The following THSD7B variants were observed in gnomAD, a reference collection of about 807,000 sequenced individuals.
THSD7B encodes the protein thrombospondin type 1 domain containing 7B.
In THSD7B, 138 loss-of-function variants were observed where a neutral mutation model predicts 213.6. The ratio of observed to expected loss-of-function variants is 0.65; its 90% CI spans 0.56 to 0.74. The LOEUF (loss-of-function observed/expected upper bound fraction) is 0.74, where lower values mean the gene tolerates loss of function less well. Ranked by LOEUF, THSD7B falls within the 30% of genes least tolerant of loss-of-function variation. THSD7B has a pLI of 0.00. For synonymous variants in THSD7B, 742 were observed against 687.0 expected (o/e 1.08, Z -1.25); for missense variants, 1,931 against 1,991.5 (o/e 0.97, Z 0.58).
chr2:137,475,045 G>A (rs1231956130), intron 15 of THSD7B, among the ~76,000 whole-genome samples: 1 of 152,100 alleles, frequency 6.6e-6, no homozygotes. Context: ...TTTCAGACAG[G>A]CCAGTGACCT....
intron 7 of THSD7B, among the ~76,000 whole-genome samples, chr2:137,171,537 G>T (rs1471929816): frequency 6.6e-6 from 1 of 152,102 alleles, no homozygotes; most frequent in Non-Finnish European, 1.5e-5. Context: ...GAAATGAAAG[G>T]TGATTCAGAA....
At chr2:137,097,769 G>GACACACACACACAC (rs3050089) in intron 4 of THSD7B, among the ~76,000 whole-genome samples, 119 of 141,450 alleles carry the variant, frequency 8.4e-4, no homozygotes, top group Admixed American at 3.4e-3. Context: ...CGCTAAGTTT[G>GACACACACACACAC]ACACACACAC....
At chr2:137,495,085 A>G (rs1285522061) in intron 15 of THSD7B, among the ~76,000 whole-genome samples, 1 of 152,042 alleles carries the variant, frequency 6.6e-6, no homozygotes, top group Non-Finnish European at 1.5e-5. Flanking sequence ...GTTTCTCTCT[A>G]TGGTAGGTAG....
chr2:137,470,306 C>G (rs1688068246), intron 15 of THSD7B, among the ~76,000 whole-genome samples: 1 of 152,194 alleles, frequency 6.6e-6, no homozygotes, highest in Non-Finnish European at 1.5e-5. Context: ...TGTTCTAATC[C>G]ATGACCTTAT....
At chr2:137,009,288 A>G (rs997386029) in intron 2 of THSD7B, among the ~76,000 whole-genome samples, 1 of 152,118 alleles carries the variant, frequency 6.6e-6, no homozygotes, top group African/African-American at 2.4e-5. Flanking sequence ...GAAGGCAGGA[A>G]TTCTTTCTTT....
chr2:137,110,219 G>A (rs746419654), intron 4 of THSD7B, among the ~76,000 whole-genome samples: 4 of 152,156 alleles, frequency 2.6e-5, no homozygotes, highest in Non-Finnish European at 5.9e-5. Flanking sequence ...AAGGTCAGGG[G>A]CTTTCTGTCT....
At chr2:137,587,697 C>T (rs1378688546) in intron 17 of THSD7B, among the ~76,000 whole-genome samples, 2 of 152,122 alleles carry the variant, frequency 1.3e-5, no homozygotes, top group Non-Finnish European at 2.9e-5. Context: ...TCTTCTGGAA[C>T]CTTTGTCTCA....
At chr2:136,899,156 G>A (rs1047583329) in intron 2 of THSD7B, among the ~76,000 whole-genome samples, 13 of 152,040 alleles carry the variant, frequency 8.6e-5, no homozygotes, top group Non-Finnish European at 1.9e-4. Context: ...TTATATTGTC[G>A]AGAGGACCTG....
chr2:137,369,150 C>CAT (rs3048439), intron 12 of THSD7B, among the ~76,000 whole-genome samples: 2,020 of 135,576 alleles, frequency 0.015, 24 homozygotes, highest in African/African-American at 0.021. Flanking sequence ...CGGGGGGGAC[C>CAT]ATATATATAT....
At chr2:137,374,540 G>A (rs1361693960) in intron 12 of THSD7B, among the ~76,000 whole-genome samples, 1 of 152,086 alleles carries the variant, frequency 6.6e-6, no homozygotes, top group Non-Finnish European at 1.5e-5. Flanking sequence ...TATTTGTTGT[G>A]GAAAATGCCT....
At chr2:137,011,896 C>T (rs141267525) in intron 2 of THSD7B, among the ~76,000 whole-genome samples, 1 of 152,248 alleles carries the variant, frequency 6.6e-6, no homozygotes, top group African/African-American at 2.4e-5. Flanking sequence ...AAAAGGATTG[C>T]ATTTTATTAT....
chr2:137,645,955 T>G (rs1462921415), intron 21 of THSD7B, among the ~76,000 whole-genome samples: 2 of 152,204 alleles, frequency 1.3e-5, no homozygotes, highest in Non-Finnish European at 2.9e-5. Context: ...ATATTTGCTT[T>G]GAATAAATCT....
intron 2 of THSD7B, 115 bp from the exon 3 acceptor site, chr2:137,056,305 A>G: frequency 9.2e-7 from 1 of 1,090,650 alleles, no homozygotes; most frequent in Non-Finnish European, 1.3e-6. Flanking sequence ...TGTTCCACCA[A>G]AATTCCTAAT....
chr2:137,311,373 T>G (rs1573952651), intron 12 of THSD7B, among the ~76,000 whole-genome samples: 1 of 152,250 alleles, frequency 6.6e-6, no homozygotes, highest in African/African-American at 2.4e-5. Flanking sequence ...GAGACTTTGC[T>G]GAAGTTGCTT....
intron 1 of THSD7B, among the ~76,000 whole-genome samples, chr2:136,879,394 A>T (rs1683580886): frequency 6.6e-6 from 1 of 152,168 alleles, no homozygotes; most frequent in South Asian, 2.1e-4. Context: ...TGACTTGGCA[A>T]TGTGTGCTCT....
At chr2:137,605,727 G>T (rs1682163141) in intron 17 of THSD7B, among the ~76,000 whole-genome samples, 1 of 135,936 alleles carries the variant, frequency 7.4e-6, no homozygotes, top group Non-Finnish European at 1.5e-5. Flanking sequence ...GGAGTGCAGT[G>T]GTGCGATCTC....
chr2:137,250,229 ATTAC>A (rs1209391913), intron 10 of THSD7B, among the ~76,000 whole-genome samples: 3 of 152,196 alleles, frequency 2.0e-5, no homozygotes, highest in Non-Finnish European at 4.4e-5. Flanking sequence ...ACTCTATTTG[ATTAC>A]TTCTATTTTA....
chr2:137,487,512 A>G (rs1455728077), intron 15 of THSD7B, among the ~76,000 whole-genome samples: 2 of 151,562 alleles, frequency 1.3e-5, no homozygotes, highest in Non-Finnish European at 2.9e-5. Context: ...CAAAAATTTA[A>G]TGAATCCAGG....
intron 1 of THSD7B, among the ~76,000 whole-genome samples, chr2:136,792,729 T>C (rs1303070343): frequency 6.6e-6 from 1 of 152,064 alleles, no homozygotes; most frequent in African/African-American, 2.4e-5. Flanking sequence ...TCAGCCTCTG[T>C]TATTATAAAT....
Sources: allele counts gnomAD v4.1 joint callset (sites outside exome capture counted in the v4.1 genomes callset), GRCh38; gene constraint gnomAD v4.1.1; transcripts MANE v1.5; gene names NCBI Gene and HGNC (gene_info 2026-07-23, HGNC 2026-07-21).